Variants in RAPGEF5 observed in about 807,000 individuals in gnomAD.
RAPGEF5 encodes Rap guanine nucleotide exchange factor 5, also known as M-Ras-regulated GEF.
In RAPGEF5, 65 loss-of-function variants were observed where a neutral mutation model predicts 125.2. The observed-to-expected ratio is 0.52, with a 90% CI of 0.43 to 0.64. The LOEUF is 0.64. RAPGEF5 is among the 30% of genes least tolerant of loss of function. The pLI, the probability that RAPGEF5 is intolerant of heterozygous loss-of-function variation, is 0.00. For synonymous variants in RAPGEF5, 391 were observed against 385.9 expected (o/e 1.01, Z -0.16); for missense variants, 958 against 1,048.1 (o/e 0.91, Z 1.19).
rs546491442 is a variant in RAPGEF5, at chr7:22,177,359, T to C, written c.1205-10211A>G. Reference sequence around the variant, plus strand: ...CCTATCAAGTTGTTTTCCATGTAAGTGCCAGGATGCTGAAGTTCCTTTATT... The same window carrying C: ...CCTATCAAGTTGTTTTCCATGTAAGCGCCAGGATGCTGAAGTTCCTTTATT... On this transcript the variant is annotated intron_variant, in intron 11 of 25. Coordinates refer to ENST00000665637, the MANE Select transcript of RAPGEF5 (RefSeq NM_012294.5). 1.2e-4 allele frequency among the ~76,000 whole-genome samples: 19 copies of C among 152,352 alleles called. 1 individual carries two copies. The South Asian group carries it at 3.7e-3, about 30-fold the overall frequency.
intron 20 of RAPGEF5, among the ~76,000 whole-genome samples, chr7:22,140,893 C>T (rs1005188975): frequency 3.9e-5 from 6 of 152,184 alleles, no homozygotes; most frequent in Non-Finnish European, 1.5e-5. Context: ...AAAACAACCT[C>T]TCTGAGATAG....
intron 1 of RAPGEF5, among the ~76,000 whole-genome samples, chr7:22,326,262 A>C (rs1783812179): frequency 6.6e-6 from 1 of 152,220 alleles, no homozygotes; most frequent in South Asian, 2.1e-4. Flanking sequence ...TAGCAGCAGA[A>C]TGGACCTCCG....
chr7:22,260,932 C>T (rs557534358), intron 7 of RAPGEF5, among the ~76,000 whole-genome samples: 61 of 152,220 alleles, frequency 4.0e-4, no homozygotes, highest in Non-Finnish European at 8.8e-5. Context: ...TAAATCCAAG[C>T]ACAGCATATA....
chr7:22,299,139 C>G (rs1022164318), intron 5 of RAPGEF5, among the ~76,000 whole-genome samples: 2 of 149,450 alleles, frequency 1.3e-5, no homozygotes, highest in African/African-American at 4.9e-5. Context: ...TTTTCTTTGG[C>G]TAGCTTTCTG....
chr7:22,297,583 C>T (rs953958379), intron 5 of RAPGEF5, among the ~76,000 whole-genome samples: 2 of 152,226 alleles, frequency 1.3e-5, no homozygotes, highest in African/African-American at 4.8e-5. Context: ...GACTCCTTAA[C>T]GAACCACCTC....
intron 7 of RAPGEF5, among the ~76,000 whole-genome samples, chr7:22,240,270 A>AAAAT (rs1210509230): frequency 2.6e-5 from 4 of 151,640 alleles, no homozygotes; most frequent in Non-Finnish European, 5.9e-5. Flanking sequence ...TTATCCAACT[A>AAAAT]AAATAAAACC....
chr7:22,201,616 T>C (rs1282839257), intron 9 of RAPGEF5, among the ~76,000 whole-genome samples: 1 of 152,230 alleles, frequency 6.6e-6, no homozygotes, highest in Admixed American at 6.5e-5. Flanking sequence ...TTCTACATGC[T>C]TTATGGTCTT....
intron 9 of RAPGEF5, among the ~76,000 whole-genome samples, chr7:22,217,337 T>C (rs1006558725): frequency 1.3e-5 from 2 of 152,164 alleles, no homozygotes; most frequent in South Asian, 2.1e-4. Context: ...TGAGTTTCTA[T>C]GAAGAGCAGA....
chr7:22,153,198 T>A (rs1400500685), intron 17 of RAPGEF5, among the ~76,000 whole-genome samples: 2 of 152,204 alleles, frequency 1.3e-5, no homozygotes, highest in African/African-American at 4.8e-5. Flanking sequence ...GATCACTCTC[T>A]GTAGTGGTAC....
intron 19 of RAPGEF5, among the ~76,000 whole-genome samples, chr7:22,146,143 G>A (rs181090447): frequency 6.6e-6 from 1 of 152,262 alleles, no homozygotes; most frequent in East Asian, 1.9e-4. Flanking sequence ...TCTGTTTAAT[G>A]AGAAAATATG....
intron 6 of RAPGEF5, among the ~76,000 whole-genome samples, chr7:22,273,425 A>G (rs370059257): frequency 1.3e-5 from 2 of 151,104 alleles, no homozygotes; most frequent in East Asian, 2.0e-4. Context: ...TCACCATGTT[A>G]GCCAGGATGG....
At chr7:22,293,096 T>C (rs1167790396) in intron 5 of RAPGEF5, among the ~76,000 whole-genome samples, 2 of 152,126 alleles carry the variant, frequency 1.3e-5, no homozygotes, top group African/African-American at 4.8e-5. Flanking sequence ...AGAGTGATGA[T>C]CTCCCAAGAG....
chr7:22,228,601 G>A (rs900304721), intron 8 of RAPGEF5, among the ~76,000 whole-genome samples: 24 of 151,916 alleles, frequency 1.6e-4, no homozygotes, highest in African/African-American at 2.2e-4. Context: ...TCCGCCTCCC[G>A]GGTTCAAATG....
At chr7:22,353,705 C>A (rs1784371011) in intron 1 of RAPGEF5, among the ~76,000 whole-genome samples, 1 of 152,148 alleles carries the variant, frequency 6.6e-6, no homozygotes. Context: ...AGGGCCCTCC[C>A]ACAATGTACA....
intron 1 of RAPGEF5, among the ~76,000 whole-genome samples, chr7:22,338,897 C>T (rs1037545635): frequency 6.6e-6 from 1 of 152,138 alleles, no homozygotes; most frequent in Non-Finnish European, 1.5e-5. Context: ...GAGGATCAGG[C>T]GTTTGTTAAC....
intron 1 of RAPGEF5, among the ~76,000 whole-genome samples, chr7:22,331,152 C>T (rs1231637373): frequency 1.3e-5 from 2 of 152,136 alleles, no homozygotes; most frequent in Non-Finnish European, 2.9e-5. Context: ...TGGGAGGAAA[C>T]GGGGTTTTAA....
intron 11 of RAPGEF5, among the ~76,000 whole-genome samples, chr7:22,170,735 G>A (rs1392415467): frequency 6.6e-6 from 1 of 152,132 alleles, no homozygotes; most frequent in South Asian, 2.1e-4. Flanking sequence ...ACAATATTTT[G>A]TTAAGGGCTT....
intron 1 of RAPGEF5, among the ~76,000 whole-genome samples, chr7:22,328,276 C>G (rs1191492404): frequency 1.3e-5 from 2 of 152,214 alleles, no homozygotes; most frequent in Non-Finnish European, 2.9e-5. Flanking sequence ...CAGGCATTTC[C>G]CATCAAGCAT....
intron 19 of RAPGEF5, among the ~76,000 whole-genome samples, chr7:22,146,040 G>T (rs1467431790): frequency 6.6e-6 from 1 of 151,780 alleles, no homozygotes; most frequent in Non-Finnish European, 1.5e-5. Flanking sequence ...CATAAGCAGG[G>T]ATATATCCCA....
Sources: allele counts gnomAD v4.1 joint callset (sites outside exome capture counted in the v4.1 genomes callset), GRCh38; gene constraint gnomAD v4.1.1; transcripts MANE v1.5; gene names NCBI Gene and HGNC (gene_info 2026-07-23, HGNC 2026-07-21).